Variants in RANBP17 observed in about 807,000 individuals in gnomAD.
RANBP17 encodes RAN binding protein 17, also known as ran-binding protein 17.
A neutral mutation model predicts 141.2 loss-of-function variants in RANBP17; 158 were observed. The observed-to-expected ratio is 1.12, with a 90% CI of 0.98 to 1.28. The LOEUF (loss-of-function observed/expected upper bound fraction) is 1.28. Among genes scored for constraint, RANBP17 ranks in the 50% most tolerant of loss-of-function variants. The pLI, the probability that RANBP17 is intolerant of heterozygous loss-of-function variation, is 0.00. For synonymous variants in RANBP17, 430 were observed against 450.0 expected, an observed-to-expected ratio of 0.96 and a Z score of 0.56; for missense variants, 1,438 against 1,290.7, an observed-to-expected ratio of 1.11 and a Z score of -1.75.
At chr5:171,053,913 AT>A (rs1398170926) in intron 14 of RANBP17, among the ~76,000 whole-genome samples, 4 of 128,328 alleles carry the variant, frequency 3.1e-5, no homozygotes, top group African/African-American at 9.5e-5. Context: ...ATATATATAT[AT>A]ATATATATAT....
chr5:171,034,918 G>A (rs1781774242), intron 14 of RANBP17, among the ~76,000 whole-genome samples: 1 of 152,000 alleles, frequency 6.6e-6, no homozygotes, highest in Non-Finnish European at 1.5e-5. Context: ...CAACCTCCAG[G>A]CTCAAGTGAC....
intron 13 of RANBP17, among the ~76,000 whole-genome samples, chr5:170,959,012 A>T (rs1182697492): frequency 2.0e-5 from 3 of 152,188 alleles, no homozygotes; most frequent in African/African-American, 7.2e-5. Flanking sequence ...CTTGGCGATG[A>T]CCTTGAGCAG....
chr5:171,106,692 G>T (rs972645218), intron 14 of RANBP17, among the ~76,000 whole-genome samples: 5 of 151,974 alleles, frequency 3.3e-5, no homozygotes. Flanking sequence ...TCTTCACATG[G>T]TTCTCAATAC....
intron 14 of RANBP17, among the ~76,000 whole-genome samples, chr5:171,074,717 C>T (rs76472189): frequency 0.026 from 4,021 of 152,198 alleles, 159 homozygotes; most frequent in African/African-American, 0.091. Context: ...TATTAATTGC[C>T]TATTATAATC....
chr5:170,917,747 T>C (rs369028840), intron 9 of RANBP17, among the ~76,000 whole-genome samples: 1 of 152,156 alleles, frequency 6.6e-6, no homozygotes, highest in Non-Finnish European at 1.5e-5. Context: ...CATCAACCAA[T>C]AGGTGGAAGA....
intron 12 of RANBP17, among the ~76,000 whole-genome samples, chr5:170,940,466 G>A (rs1023277058): frequency 2.6e-5 from 4 of 152,126 alleles, no homozygotes; most frequent in Admixed American, 6.5e-5. Context: ...ACCCAGGCAT[G>A]CAAATATTCC....
intron 22 of RANBP17, among the ~76,000 whole-genome samples, chr5:171,236,264 AAG>A (rs1764539463): frequency 6.6e-6 from 1 of 152,232 alleles, no homozygotes; most frequent in African/African-American, 2.4e-5. Flanking sequence ...TAGAGATTAA[AAG>A]AGAAAAAGAA....
intron 14 of RANBP17, among the ~76,000 whole-genome samples, chr5:170,999,122 T>A (rs370217829): frequency 7.2e-5 from 11 of 152,098 alleles, no homozygotes; most frequent in East Asian, 5.8e-4. Context: ...GTAATGATTT[T>A]AGCTAATTAT....
rs567366609 is a variant in RANBP17, at chr5:171,244,998, G to A, written c.2776+2178G>A. 3.6e-3 allele frequency among the ~76,000 whole-genome samples: 541 copies of A among 151,944 alleles called. 6 individuals carry two copies. The highest frequency in any genetic ancestry group is 0.012 in the African/African-American group (515 of 41,476). On this transcript the variant is annotated intron_variant, in intron 24 of 27. Transcript: ENST00000523189. The stretch of plus-strand genomic sequence containing the variant: ...AACAAAATTAGCCGGGCTTGGTAGC[G>A]GGCACCTGTAGTCCCAGCTACCCAG...
At chr5:171,113,102 A>G (rs747640858) in intron 14 of RANBP17, among the ~76,000 whole-genome samples, 9 of 152,140 alleles carry the variant, frequency 5.9e-5, no homozygotes, top group Admixed American at 1.3e-4. Context: ...GCATAATTGT[A>G]ATCAGGGAAC....
At chr5:171,286,761 C>T (rs933993616) in intron 25 of RANBP17, among the ~76,000 whole-genome samples, 1 of 152,118 alleles carries the variant, frequency 6.6e-6, no homozygotes, top group Non-Finnish European at 1.5e-5. Context: ...TGACAGAAAC[C>T]CCCTTACTTC....
chr5:170,965,169 T>C (rs1776453908), intron 13 of RANBP17, among the ~76,000 whole-genome samples: 1 of 152,214 alleles, frequency 6.6e-6, no homozygotes, highest in South Asian at 2.1e-4. Context: ...CATTTTTTCA[T>C]GTGTCTTTTG....
intron 25 of RANBP17, 103 bp downstream of exon 25, chr5:171,265,950 T>G: frequency 1.1e-6 from 1 of 933,314 alleles, no homozygotes; most frequent in South Asian, 1.7e-5. Flanking sequence ...AGACTTTTTA[T>G]ACTGGTAAAA....
intron 19 of RANBP17, among the ~76,000 whole-genome samples, chr5:171,200,326 A>G (rs1762229934): frequency 6.6e-6 from 1 of 152,212 alleles, no homozygotes; most frequent in Non-Finnish European, 1.5e-5. Context: ...TGTGGGAGCC[A>G]TATTAGGATT....
At chr5:171,016,176 C>G (rs76575758) in intron 14 of RANBP17, among the ~76,000 whole-genome samples, 1 of 109,106 alleles carries the variant, frequency 9.2e-6, no homozygotes, top group East Asian at 2.7e-4. Flanking sequence ...GGGATCACTG[C>G]TTTTTTTTTT....
chr5:171,213,660 A>G lies in RANBP17; in HGVS notation c.2261A>G (p.Asn754Ser), dbSNP rs1395972499. 2.5e-6 allele frequency: 4 copies of G among 1,613,726 alleles called. No individual in the cohort carries two copies. The highest frequency in any genetic ancestry group is 1.7e-5 in the Admixed American group (1 of 59,984). The change falls in exon 21 of 28, where the codon AAT becomes AGT. Residue 754 changes from asparagine to serine, a missense_variant. Transcript: ENST00000523189. ...CCAACGTACCTTCCCCTTCTTCAGA[A>G]TGCTGTTGAACGGTGGTATGGAGAG... is the stretch of plus-strand genomic sequence containing the variant. ...MYPTYLPLLQ[N>S]AVERWYGEPT...
chr5:171,289,214 C>A (rs1183597172), intron 25 of RANBP17, among the ~76,000 whole-genome samples: 1 of 152,222 alleles, frequency 6.6e-6, no homozygotes, highest in African/African-American at 2.4e-5. Context: ...CACCCCACTG[C>A]CATTGCAATC....
chr5:170,884,268 G>T (rs1267665924), intron 3 of RANBP17, among the ~76,000 whole-genome samples: 3 of 152,188 alleles, frequency 2.0e-5, no homozygotes, highest in South Asian at 2.1e-4. Context: ...GATATTAGGG[G>T]CATTGACCCC....
intron 22 of RANBP17, among the ~76,000 whole-genome samples, chr5:171,234,577 A>T (rs1238879259): frequency 6.6e-6 from 1 of 152,236 alleles, no homozygotes; most frequent in Non-Finnish European, 1.5e-5. Flanking sequence ...TGAACAAAGT[A>T]ATAGCAGTGG....
Sources: allele counts gnomAD v4.1 joint callset (sites outside exome capture counted in the v4.1 genomes callset), GRCh38; gene constraint gnomAD v4.1.1; transcripts MANE v1.5; gene names NCBI Gene and HGNC (gene_info 2026-07-23, HGNC 2026-07-21).